Variants in BCAS3 observed in about 807,000 individuals in gnomAD.
The protein encoded by BCAS3 is BCAS3 microtubule associated cell migration factor, also known as BCAS4/BCAS3 fusion.
A neutral mutation model predicts 116.1 loss-of-function variants in BCAS3; 53 were observed. The observed-to-expected ratio is 0.46, with a 90% CI of 0.37 to 0.57. The LOEUF is 0.57. BCAS3 is among the 20% of genes least tolerant of loss of function. BCAS3 has a pLI of 0.00. For missense variants in BCAS3, 917 were observed against 1,165.4 expected, an observed-to-expected ratio of 0.79 and a Z score of 3.10; for synonymous variants, 391 against 408.2, an observed-to-expected ratio of 0.96 and a Z score of 0.51.
At chr17:61,252,978 C>T (rs1209112069) in intron 22 of BCAS3, among the ~76,000 whole-genome samples, 3 of 149,750 alleles carry the variant, frequency 2.0e-5, no homozygotes, top group African/African-American at 7.4e-5. Flanking sequence ...CTCCTGGGTT[C>T]CAGCTATTCT....
At position 61,352,513 on chromosome 17, in the gene BCAS3, A is replaced by G. The variant is rs1001702764; in HGVS notation, c.2426-15814A>G. Among the ~76,000 whole-genome samples, 2 of 151,602 alleles carry G rather than the reference A, an allele frequency of 1.3e-5. No individual in the cohort carries two copies. Among genetic ancestry groups the G allele is most frequent in the African/African-American group, 4.8e-5 (2 of 41,252 alleles). The stretch of plus-strand genomic sequence containing the variant: ...CTTCTCAGCTAGGGAAATGAATAAC[A>G]TCCTGGTTGGCCTCGGTGGAGTAGA... On this transcript the variant is annotated intron_variant, in intron 22 of 23. Transcript: ENST00000407086. This position sits in a 1 kb window ranked among gnomAD's most constrained non-coding sequence, Gnocchi z 4.7.
chr17:60,771,873 A>G (rs1451901180), intron 6 of BCAS3, among the ~76,000 whole-genome samples: 3 of 152,196 alleles, frequency 2.0e-5, no homozygotes, highest in African/African-American at 7.2e-5. Flanking sequence ...TGTCCCTACA[A>G]AGGACATGAG....
intron 14 of BCAS3, among the ~76,000 whole-genome samples, chr17:60,976,638 ACT>A (rs2062399749): frequency 6.6e-6 from 1 of 151,646 alleles, no homozygotes; most frequent in South Asian, 2.1e-4. Context: ...AGTGGTGATG[ACT>A]CTTAAGGAGT....
chr17:61,059,121 TGCCCAG>T (rs1308496791), intron 19 of BCAS3, among the ~76,000 whole-genome samples: 3 of 141,396 alleles, frequency 2.1e-5, no homozygotes, highest in Non-Finnish European at 3.0e-5. Flanking sequence ...CTCGTTCTGT[TGCCCAG>T]GCTGGAGTGC....
At chr17:60,715,990 G>A (rs1429338378) in intron 5 of BCAS3, among the ~76,000 whole-genome samples, 1 of 152,054 alleles carries the variant, frequency 6.6e-6, no homozygotes, top group Non-Finnish European at 1.5e-5. Flanking sequence ...AGCCTCCTGA[G>A]TAGCTTGAAT....
chr17:60,943,226 A>G (rs2060315083), intron 13 of BCAS3, among the ~76,000 whole-genome samples: 1 of 152,124 alleles, frequency 6.6e-6, no homozygotes, highest in Non-Finnish European at 1.5e-5. Context: ...ATAATAATAA[A>G]TTGGTAGACC....
At chr17:60,910,726 C>T in intron 12 of BCAS3, 24 bp downstream of exon 12, 1 of 1,570,120 alleles carries the variant, frequency 6.4e-7, no homozygotes, top group South Asian at 1.2e-5. Context: ...TTGGTGCGTA[C>T]CATGTGTGTT....
intron 22 of BCAS3, among the ~76,000 whole-genome samples, chr17:61,342,051 G>A (rs2057197785): frequency 6.6e-6 from 1 of 152,212 alleles, no homozygotes; most frequent in Admixed American, 6.5e-5. Flanking sequence ...CGCCCAGGCT[G>A]GAGTACAGTG....
At chr17:61,147,462 G>A (rs2077290166) in intron 22 of BCAS3, among the ~76,000 whole-genome samples, 1 of 152,024 alleles carries the variant, frequency 6.6e-6, no homozygotes, top group Admixed American at 6.5e-5. Flanking sequence ...AGCTTAATCA[G>A]TCTATCCACC....
intron 9 of BCAS3, among the ~76,000 whole-genome samples, chr17:60,878,986 C>G (rs564106148): frequency 5.1e-4 from 77 of 152,216 alleles, no homozygotes; most frequent in Admixed American, 7.8e-4. Flanking sequence ...TCTCCCTGTT[C>G]CTTTATACAG....
At chr17:60,897,274 A>G (rs981383664) in intron 10 of BCAS3, among the ~76,000 whole-genome samples, 1 of 152,216 alleles carries the variant, frequency 6.6e-6, no homozygotes, top group Non-Finnish European at 1.5e-5. Context: ...TAAGAAATCT[A>G]CAGTTAATGT....
intron 13 of BCAS3, among the ~76,000 whole-genome samples, chr17:60,939,484 T>A (rs774344967): frequency 6.6e-6 from 1 of 152,064 alleles, no homozygotes; most frequent in Non-Finnish European, 1.5e-5. Flanking sequence ...GATATATAAA[T>A]TGTGGTATGT....
chr17:61,382,733 TA>T (rs1303285314), intron 23 of BCAS3: 2 of 150,534 alleles, frequency 1.3e-5, no homozygotes, highest in Non-Finnish European at 3.0e-5. Flanking sequence ...AAAATTGGCA[TA>T]GGGGAAGGTG....
chr17:61,003,154 T>C (rs2064377485), intron 15 of BCAS3, among the ~76,000 whole-genome samples: 1 of 151,976 alleles, frequency 6.6e-6, no homozygotes. Context: ...GAGCCCCTAA[T>C]CTTCTTGTCT....
At position 61,012,605 on chromosome 17, in the gene BCAS3, C is replaced by T. The variant is rs1030967860; in HGVS notation, c.1487-3146C>T. 6.6e-6 allele frequency among the ~76,000 whole-genome samples: 1 copy of T among 151,924 alleles called. No homozygotes were observed. The highest frequency in any genetic ancestry group is 1.5e-5 in the Non-Finnish European group (1 of 67,922). On this transcript the variant is annotated intron_variant, in intron 15 of 23. Transcript: ENST00000407086. This position sits in a 1 kb window ranked among gnomAD's most constrained non-coding sequence, Gnocchi z 4.5. ...CATTAATATGTAAGACAGACACCAC[C>T]CCTACGAACATAAACATGAATGTAA...
At chr17:60,682,549 G>A (rs2033327316) in intron 2 of BCAS3, among the ~76,000 whole-genome samples, 1 of 152,068 alleles carries the variant, frequency 6.6e-6, no homozygotes, top group South Asian at 2.1e-4. Flanking sequence ...TTGAGACAGA[G>A]TCTTGCTTTT....
intron 7 of BCAS3, among the ~76,000 whole-genome samples, chr17:60,827,672 A>G (rs964430793): frequency 1.3e-5 from 2 of 152,198 alleles, no homozygotes; most frequent in Non-Finnish European, 2.9e-5. Flanking sequence ...TCACATTCCA[A>G]TCAAGATAAT....
Position 60,910,626 on chromosome 17 carries a change from A to G in BCAS3, c.917A>G (p.His306Arg). The change falls in exon 12 of 24, where the codon CAC becomes CGC. Residue 306 changes from histidine (H) to arginine (R), a missense_variant. Transcript: ENST00000407086. ...SGVTEDDVAIHSNSRRSPLVP... is the reference protein window; with the variant it reads ...SGVTEDDVAIRSNSRRSPLVP... ...GTGACAGAAGATGATGTTGCCATCC[A>G]CAGTAATTCACGGCGGAGTCCTTTG... 6.2e-7 allele frequency: 1 copy of G among 1,613,694 alleles called. No homozygotes were observed. The highest frequency in any genetic ancestry group is 8.5e-7 in the Non-Finnish European group (1 of 1,179,796).
intron 5 of BCAS3, among the ~76,000 whole-genome samples, chr17:60,719,444 C>G (rs1452610831): frequency 6.6e-6 from 1 of 152,218 alleles, no homozygotes; most frequent in African/African-American, 2.4e-5. Context: ...ACACTATCAT[C>G]AAGACATCCA....
Sources: allele counts gnomAD v4.1 joint callset (sites outside exome capture counted in the v4.1 genomes callset), GRCh38; gene constraint gnomAD v4.1.1; non-coding constraint Gnocchi (gnomAD v3.1); transcripts MANE v1.5; gene names NCBI Gene and HGNC (gene_info 2026-07-23, HGNC 2026-07-21).